Variants in NRXN3 observed in about 807,000 individuals in gnomAD.
NRXN3 encodes the protein neurexin 3, also known as neurexin III.
In NRXN3, 32 loss-of-function variants were observed where a neutral mutation model predicts 137.6. The observed-to-expected ratio is 0.23, with a 90% CI of 0.18 to 0.31. The LOEUF is 0.31. Among genes scored for constraint, NRXN3 ranks in the 10% least tolerant of loss-of-function variants. NRXN3 has a pLI of 1.00. For synonymous variants in NRXN3, 798 were observed against 784.5 expected, an observed-to-expected ratio of 1.02 and a Z score of -0.29; for missense variants, 1,574 against 2,062.5, an observed-to-expected ratio of 0.76 and a Z score of 4.59.
At chr14:78,297,037 G>T (rs1371247792) in intron 3 of NRXN3, among the ~76,000 whole-genome samples, 1 of 152,132 alleles carries the variant, frequency 6.6e-6, no homozygotes, top group African/African-American at 2.4e-5. Context: ...ATCCCTGTTT[G>T]CCTTCCATAA....
intron 4 of NRXN3, among the ~76,000 whole-genome samples, chr14:78,304,416 A>G (rs1268574230): frequency 6.6e-6 from 1 of 152,060 alleles, no homozygotes; most frequent in Non-Finnish European, 1.5e-5. Context: ...AAAACTGAGC[A>G]GGGTGGGTAG....
At chr14:78,649,595 C>A (rs1313025748) in intron 5 of NRXN3, among the ~76,000 whole-genome samples, 1 of 137,796 alleles carries the variant, frequency 7.3e-6, no homozygotes, top group Non-Finnish European at 1.5e-5. Flanking sequence ...CTCTATTTGG[C>A]TAAATTTGTT....
intron 19 of NRXN3, among the ~76,000 whole-genome samples, chr14:79,732,268 G>T (rs1717347676): frequency 6.6e-6 from 1 of 152,032 alleles, no homozygotes; most frequent in South Asian, 2.1e-4. Flanking sequence ...ACTAAGTCAA[G>T]CTAAGGTCAT....
chr14:79,212,572 A>G (rs1033569000), intron 15 of NRXN3, among the ~76,000 whole-genome samples: 3 of 152,142 alleles, frequency 2.0e-5, no homozygotes, highest in African/African-American at 7.2e-5. Flanking sequence ...GCCTGTTAAT[A>G]CCTATACTTT....
At chr14:78,512,490 A>T (rs1599698649) in intron 4 of NRXN3, among the ~76,000 whole-genome samples, 1 of 152,108 alleles carries the variant, frequency 6.6e-6, no homozygotes, top group South Asian at 2.1e-4. Flanking sequence ...AATGTAAAAA[A>T]CCCAGACAGA....
At chr14:79,582,343 A>C (rs1402045063) in intron 16 of NRXN3, among the ~76,000 whole-genome samples, 1 of 152,164 alleles carries the variant, frequency 6.6e-6, no homozygotes, top group Non-Finnish European at 1.5e-5. Context: ...TAACTTTTAG[A>C]TCCAGATTTA....
chr14:78,670,349 G>C (rs2097923223), intron 6 of NRXN3, among the ~76,000 whole-genome samples: 1 of 152,170 alleles, frequency 6.6e-6, no homozygotes, highest in African/African-American at 2.4e-5. Flanking sequence ...ATCGTAGAAT[G>C]ATTTATAGTC....
At chr14:78,629,133 C>T (rs534872610) in intron 4 of NRXN3, among the ~76,000 whole-genome samples, 1 of 152,206 alleles carries the variant, frequency 6.6e-6, no homozygotes, top group Non-Finnish European at 1.5e-5. Context: ...ACTATCATCA[C>T]CCCCATTTCA....
At chr14:78,294,391 C>A (rs1243631833) in intron 3 of NRXN3, among the ~76,000 whole-genome samples, 3 of 151,852 alleles carry the variant, frequency 2.0e-5, no homozygotes, top group Non-Finnish European at 4.4e-5. Flanking sequence ...CCCGTCTCTG[C>A]TGAAAAATAC....
chr14:79,368,596 A>C (rs920233898), intron 15 of NRXN3, among the ~76,000 whole-genome samples: 5 of 152,202 alleles, frequency 3.3e-5, no homozygotes, highest in African/African-American at 4.8e-5. Context: ...TACTCATCAA[A>C]GGGTAATGAG....
intron 15 of NRXN3, among the ~76,000 whole-genome samples, chr14:79,281,236 G>C (rs1215127542): frequency 6.6e-6 from 1 of 152,140 alleles, no homozygotes; most frequent in East Asian, 1.9e-4. Flanking sequence ...ATTTACCCAA[G>C]TGTAAATGAC....
chr14:78,730,180 A>G (rs1356454799), intron 8 of NRXN3, among the ~76,000 whole-genome samples: 2 of 152,198 alleles, frequency 1.3e-5, no homozygotes, highest in African/African-American at 4.8e-5. Context: ...GTGGGCAGGC[A>G]TGGAATGAAT....
intron 4 of NRXN3, among the ~76,000 whole-genome samples, chr14:78,590,672 C>T (rs764329796): frequency 6.6e-6 from 1 of 152,092 alleles, no homozygotes; most frequent in Non-Finnish European, 1.5e-5. Context: ...CCAGGACTTT[C>T]GGAGGCTGAG....
At chr14:78,785,513 C>T (rs1460667641) in intron 8 of NRXN3, among the ~76,000 whole-genome samples, 1 of 152,182 alleles carries the variant, frequency 6.6e-6, no homozygotes, top group Non-Finnish European at 1.5e-5. Flanking sequence ...TCCCTGTAGA[C>T]TCATAAACTC....
At chr14:79,181,822 G>T (rs2370932) in intron 15 of NRXN3, among the ~76,000 whole-genome samples, 150,778 of 152,196 alleles carry the variant, frequency 0.99, 74,699 homozygotes, top group Non-Finnish European at 1. Flanking sequence ...CATCATAAGC[G>T]CTTTAAGGAG....
intron 15 of NRXN3, among the ~76,000 whole-genome samples, chr14:79,100,949 T>C (rs1057117803): frequency 2.0e-5 from 3 of 152,210 alleles, no homozygotes; most frequent in African/African-American, 4.8e-5. Context: ...GATGTGAATG[T>C]TGAAACAGAA....
chr14:78,508,177 G>A (rs1276932770), intron 4 of NRXN3, among the ~76,000 whole-genome samples: 1 of 152,196 alleles, frequency 6.6e-6, no homozygotes, highest in Non-Finnish European at 1.5e-5. Flanking sequence ...GAAACCAGAA[G>A]GGTGTGACTA....
At chr14:78,360,482 T>C (rs927624207) in intron 4 of NRXN3, among the ~76,000 whole-genome samples, 1 of 152,194 alleles carries the variant, frequency 6.6e-6, no homozygotes, top group Non-Finnish European at 1.5e-5. Flanking sequence ...AGAGTAATGA[T>C]TAAAAGCATG....
At chr14:79,479,000 C>G (rs908108877) in intron 16 of NRXN3, among the ~76,000 whole-genome samples, 2 of 152,096 alleles carry the variant, frequency 1.3e-5, no homozygotes, top group Admixed American at 1.3e-4. Context: ...TTAAATCATA[C>G]TGCAGTTTCC....
Sources: allele counts gnomAD v4.1 joint callset (sites outside exome capture counted in the v4.1 genomes callset), GRCh38; gene constraint gnomAD v4.1.1; transcripts MANE v1.5; gene names NCBI Gene and HGNC (gene_info 2026-07-23, HGNC 2026-07-21).